MIEF2: variants seen among roughly 807,000 people sequenced by gnomAD.
MIEF2 encodes the protein mitochondrial elongation factor 2.
In MIEF2, 1 loss-of-function variant was observed where a neutral mutation model predicts 7.4. The ratio of observed to expected loss-of-function variants is 0.14; its 90% CI spans 0.05 to 0.64. The LOEUF is 0.64. Among genes scored for constraint, MIEF2 ranks in the 30% least tolerant of loss-of-function variants. MIEF2 has a pLI of 0.85. For missense variants in MIEF2, 569 were observed against 623.9 expected (o/e 0.91, Z 0.94); for synonymous variants, 275 against 290.5 (o/e 0.95, Z 0.54).
Position 18,263,108 on chromosome 17 carries a change from C to G in MIEF2, c.170C>G (p.Pro57Arg). ...CAGTTCATTGACAGGGCCACTAGCC[C>G]GCGGGATGAGGATGACACCAAGGCA... The part of the protein sequence containing the change: ...VKRFIDRATS[P>R]RDEDDTKADS... Residue 57 changes from proline (P) to arginine (R), a missense_variant, in exon 3 of 4, where the codon CCG becomes CGG. Pro to Arg is a moderately radical substitution (Grantham distance 103). Coordinates refer to ENST00000323019, the MANE Select transcript of MIEF2 (RefSeq NM_139162.4). 6.2e-7 allele frequency: 1 copy of G among 1,613,434 alleles called. No individual in the cohort carries two copies. Among genetic ancestry groups the G allele is most frequent in the South Asian group, 1.1e-5 (1 of 91,076 alleles).
intron 1 of MIEF2, 106 bp downstream of exon 1, chr17:18,260,843 G>T (rs1325384856): frequency 4.3e-6 from 2 of 469,704 alleles, no homozygotes; most frequent in Non-Finnish European, 7.7e-6. Context: ...CGCTGGGGAA[G>T]GCGGGGAGGG....
Position 18,264,645 on chromosome 17 carries a change from A to C in MIEF2, c.1246A>C (p.Ser416Arg). The change falls in exon 4 of 4, where the codon AGC becomes CGC. Residue 416 changes from serine (S) to arginine (R), a missense_variant. Ser to Arg is a moderately radical substitution (Grantham distance 110). Coordinates refer to ENST00000323019, the MANE Select transcript of MIEF2 (RefSeq NM_139162.4). ...ELLIGSLEQA[S>R]LPCHFNPSVN... is the part of the protein sequence containing the mutation. ...GCTCATCGGCAGCCTGGAGCAGGCC[A>C]GCCTGCCCTGCCACTTCAACCCCAG... is the stretch of plus-strand genomic sequence containing the variant. 6.2e-7 allele frequency: 1 copy of C among 1,611,602 alleles called. No individual in the cohort carries two copies. Among genetic ancestry groups the C allele is most frequent in the South Asian group, 1.1e-5 (1 of 91,080 alleles).
rs1978716895 is a variant in MIEF2 at position 18,265,767 on chromosome 17, C to A, written c.*1003C>A. On this transcript the variant is annotated 3_prime_UTR_variant, in exon 4 of 4. Coordinates refer to ENST00000323019, the MANE Select transcript of MIEF2 (RefSeq NM_139162.4). Reference sequence around the variant, plus strand: ...TGAACAAGAATAAAAGGAAAAAATTCTAATGTATATATAACTCAGGCTGGA... The same window carrying A: ...TGAACAAGAATAAAAGGAAAAAATTATAATGTATATATAACTCAGGCTGGA... 1.3e-5 allele frequency: 2 copies of A among 152,496 alleles called. No homozygotes were observed. The highest frequency in any genetic ancestry group is 6.5e-5 in the Admixed American group (1 of 15,292). The allele number at this position is 152,496 out of a possible 1,614,324, so 9.4% of individuals were successfully genotyped here.
intron 2 of MIEF2, 106 bp downstream of exon 2, chr17:18,262,973 A>G: frequency 1.3e-5 from 20 of 1,544,090 alleles, no homozygotes; most frequent in Non-Finnish European, 1.8e-5. Flanking sequence ...CAAGGCCTTC[A>G]TGGGAGCCCA....
In MIEF2 at chr17:18,264,238, G is replaced by A. The variant is rs769151250; in HGVS notation, c.839G>A (p.Arg280Gln). 18 of 1,603,786 alleles carry A rather than the reference G, an allele frequency of 1.1e-5. No individual in the cohort carries two copies. Among genetic ancestry groups the A allele is most frequent in the East Asian group, 4.5e-5 (2 of 44,888 alleles). ...AIGSLLGCLI[R>Q]PSMASEELLL... is the part of the protein sequence containing the mutation. ...GGCAGCCTTCTCGGGTGCCTGATCC[G>A]GCCCAGCATGGCCTCGGAGGAGCTG... The change falls in exon 4 of 4, where the codon CGG (arginine) becomes CAG (glutamine). Residue 280 changes from arginine (R) to glutamine (Q), a missense_variant. Coordinates refer to ENST00000323019, the MANE Select transcript of MIEF2 (RefSeq NM_139162.4).
At position 18,264,831 on chromosome 17, in the gene MIEF2, G is replaced by A; in HGVS notation, c.*67G>A. On this transcript the variant is annotated 3_prime_UTR_variant, in exon 4 of 4. Coordinates refer to ENST00000323019, the MANE Select transcript of MIEF2 (RefSeq NM_139162.4). ...GAGCTGCACCCACCTCCCTTCCAGG[G>A]ATTTGAATAGTGGTTTTTCTCTAGC... 6.5e-7 allele frequency: 1 copy of A among 1,529,754 alleles called. No homozygotes were observed. Among genetic ancestry groups the A allele is most frequent in the East Asian group, 2.3e-5 (1 of 43,952 alleles). The allele number at this position is 1,529,754 out of a possible 1,614,324, so 94.8% of individuals were successfully genotyped here.
Position 18,262,807 on chromosome 17 carries a change from C to G in MIEF2, c.87C>G (p.Arg29=), listed in dbSNP as rs750506626. ...SMVDFLLANA[R]LVLGVGGAAV... is the part of the protein sequence containing the mutation. ...TGGACTTCCTCCTGGCCAATGCCCG[C>G]CTGGTGCTGGGCGTGGGCGGGGCTG... Residue 29 remains arginine, a synonymous_variant, in exon 2 of 4, where the codon CGC becomes CGG. Coordinates refer to ENST00000323019, the MANE Select transcript of MIEF2 (RefSeq NM_139162.4). 58 of 1,578,586 alleles carry G rather than the reference C, an allele frequency of 3.7e-5. No homozygotes were observed. The highest frequency in any genetic ancestry group is 5.0e-5 in the Non-Finnish European group (58 of 1,162,480).
chr17:18,260,842 A>C, intron 1 of MIEF2, 105 bp downstream of exon 1: 6 of 451,284 alleles, frequency 1.3e-5, no homozygotes, highest in Non-Finnish European at 2.0e-5. Context: ...CCGCTGGGGA[A>C]GGCGGGGAGG....
At position 18,264,598 on chromosome 17, in the gene MIEF2, G is replaced by A. The variant is rs755220310; in HGVS notation, c.1199G>A (p.Arg400His). 6.8e-6 allele frequency: 11 copies of A among 1,610,714 alleles called. No homozygotes were observed. Among genetic ancestry groups the A allele is most frequent in the East Asian group, 2.2e-5 (1 of 44,886 alleles). Residue 400 changes from arginine (R) to histidine (H), a missense_variant, in exon 4 of 4, where the codon CGC becomes CAC. Transcript: ENST00000323019. ...VDWTEEALGE[R>H]FLQALELLIG... ...TGGACGGAGGAGGCCTTGGGTGAGCGCTTCCTGCAAGCCCTGGAGCTGCTC... is the reference window on the plus strand; with the variant it reads ...TGGACGGAGGAGGCCTTGGGTGAGCACTTCCTGCAAGCCCTGGAGCTGCTC...
At chr17:18,261,017 G>A in intron 1 of MIEF2, 1 of 1,311,588 alleles carries the variant, frequency 7.6e-7, no homozygotes, top group Non-Finnish European at 1.1e-6. Context: ...GAGGAGGGAA[G>A]GCCAAACGGC....
intron 1 of MIEF2, among the ~76,000 whole-genome samples, chr17:18,261,378 T>C (rs1421545289): frequency 6.6e-6 from 1 of 152,138 alleles, no homozygotes; most frequent in East Asian, 1.9e-4. Context: ...CACACAGCGC[T>C]TCAGGCTTCA....
chr17:18,263,203 C>G lies in MIEF2; in HGVS notation c.265C>G (p.Leu89Val), dbSNP rs749070855. 6.2e-7 allele frequency: 1 copy of G among 1,613,510 alleles called. No individual in the cohort carries two copies. Among genetic ancestry groups the G allele is most frequent in the African/African-American group, 1.3e-5 (1 of 74,930 alleles). The part of the protein sequence containing the change: ...HLQPRPPPAA[L>V]SQPVLPLAPS... The stretch of plus-strand genomic sequence containing the variant: ...GCAGCCCCGGCCTCCACCTGCTGCC[C>G]TTAGCCAGCCAGTGTTGCCCTTGGC... The change falls in exon 3 of 4, where the codon CTT (leucine) becomes GTT (valine). Residue 89 changes from leucine to valine, a missense_variant. Physicochemically the swap from Leu to Val is conservative, Grantham distance 32. Transcript: ENST00000323019.
At position 18,262,793 on chromosome 17, in the gene MIEF2, C is replaced by A; in HGVS notation, c.73C>A (p.Leu25Met). Residue 25 changes from leucine to methionine, a missense_variant, in exon 2 of 4, where the codon CTG (leucine) becomes ATG (methionine). Transcript: ENST00000323019. The stretch of plus-strand genomic sequence containing the variant: ...GCTGGGCAGCATGGTGGACTTCCTC[C>A]TGGCCAATGCCCGCCTGGTGCTGGG... Reference protein sequence around the residue: ...EGLGSMVDFLLANARLVLGVG... With the variant: ...EGLGSMVDFLMANARLVLGVG... 1 of 1,589,360 alleles carries A rather than the reference C, an allele frequency of 6.3e-7. No homozygotes were observed. Among genetic ancestry groups the A allele is most frequent in the African/African-American group, 1.3e-5 (1 of 74,146 alleles).
At chr17:18,263,030 C>T (rs1978500062) in intron 2 of MIEF2, 56 bp from the exon 3 acceptor site, 3 of 1,591,988 alleles carry the variant, frequency 1.9e-6, no homozygotes, top group Admixed American at 1.7e-5. Flanking sequence ...TTGCCCTGGG[C>T]TTTGCTATGA....
intron 1 of MIEF2, among the ~76,000 whole-genome samples, chr17:18,261,314 A>G (rs1281256385): frequency 6.6e-6 from 1 of 152,170 alleles, no homozygotes; most frequent in Admixed American, 6.5e-5. Flanking sequence ...GGATCGCCCC[A>G]GAGACCGTCT....
At position 18,264,776 on chromosome 17, in the gene MIEF2, C is replaced by T. The variant is rs775813078; in HGVS notation, c.*12C>T. The T allele has an allele frequency of 1.6e-5, 25 of 1,586,984 alleles. No homozygotes were observed. Among genetic ancestry groups the T allele is most frequent in the African/African-American group, 8.1e-5 (6 of 74,258 alleles). On this transcript the variant is annotated 3_prime_UTR_variant, in exon 4 of 4. Transcript: ENST00000323019. ...AGGGGCTGCTCTAGGTGGGTGGAAA[C>T]GGGTGGTTGCCATGTTTTCTAATGC...
At chr17:18,260,876 G>A (rs1042995543) in intron 1 of MIEF2, 139 bp downstream of exon 1, 3 of 545,914 alleles carry the variant, frequency 5.5e-6, no homozygotes, top group African/African-American at 3.8e-5. Flanking sequence ...ACCAAGGGCA[G>A]CGTTCGAATC....
chr17:18,263,818 C>T lies in MIEF2; in HGVS notation c.419C>T (p.Thr140Ile), dbSNP rs1347385363. The change falls in exon 4 of 4, where the codon ACC becomes ATC. Residue 140 changes from threonine (T) to isoleucine (I), a missense_variant. Coordinates refer to ENST00000323019, the MANE Select transcript of MIEF2 (RefSeq NM_139162.4). ...RLLAFERDRVTIPAAQVALAK... is the reference protein window; with the variant it reads ...RLLAFERDRVIIPAAQVALAK... ...CTGGCCTTCGAGCGGGACCGTGTGA[C>T]CATCCCAGCAGCCCAGGTGGCTTTG... 2 of 1,608,856 alleles carry T rather than the reference C, an allele frequency of 1.2e-6. No homozygotes were observed. Among genetic ancestry groups the T allele is most frequent in the Non-Finnish European group, 1.7e-6 (2 of 1,179,944 alleles).
chr17:18,264,039 G>C lies in MIEF2; in HGVS notation c.640G>C (p.Asp214His). ...CCTGTGGAGCCTGGTGCCGGGCGTG[G>C]ACACTGTGGCGAGGGACCCTCGCTG... ...PGLWSLVPGV[D>H]TVARDPRCWA... Residue 214 changes from aspartate (D) to histidine (H), a missense_variant, in exon 4 of 4, where the codon GAC becomes CAC. Physicochemically the swap from Asp to His is moderately conservative, Grantham distance 81. Coordinates refer to ENST00000323019, the MANE Select transcript of MIEF2 (RefSeq NM_139162.4). 1 of 1,555,916 alleles carries C rather than the reference G, an allele frequency of 6.4e-7. No homozygotes were observed. Among genetic ancestry groups the C allele is most frequent in the Non-Finnish European group, 8.7e-7 (1 of 1,154,646 alleles).
Sources: gnomAD v4.1 joint callset for allele counts (sites outside exome capture counted in the v4.1 genomes callset) on GRCh38, gnomAD v4.1.1 for gene constraint, MANE v1.5 for transcripts, NCBI Gene and HGNC (gene_info 2026-07-23, HGNC 2026-07-21) for gene names.